The following HHAT variants were observed in gnomAD, a reference collection of about 807,000 sequenced individuals.
HHAT encodes the protein protein-cysteine N-palmitoyltransferase HHAT.
HHAT carries 47 observed loss-of-function variants against 70.8 expected under a neutral mutation model. The observed-to-expected ratio is 0.66, with a 90% confidence interval of 0.53 to 0.85. The LOEUF is 0.85. Ranked by LOEUF, HHAT falls within the 40% of genes least tolerant of loss-of-function variation. The pLI is 0.00. For synonymous variants in HHAT, 228 were observed against 247.6 expected, an observed-to-expected ratio of 0.92 and a Z score of 0.74; for missense variants, 609 against 604.8, an observed-to-expected ratio of 1.01 and a Z score of -0.07.
intron 4 of HHAT, among the ~76,000 whole-genome samples, chr1:210,392,720 G>A (rs1363116767): frequency 1.3e-5 from 2 of 152,160 alleles, no homozygotes; most frequent in East Asian, 1.9e-4. Flanking sequence ...ACAGGCGTGA[G>A]CCACCATGCC....
chr1:210,440,139 C>T (rs962333814), intron 7 of HHAT, among the ~76,000 whole-genome samples: 11 of 151,740 alleles, frequency 7.2e-5, no homozygotes, highest in African/African-American at 1.7e-4. Flanking sequence ...TCATTCTTTA[C>T]GCTCTGCTTG....
At chr1:210,549,164 A>G (rs548144346) in intron 9 of HHAT, among the ~76,000 whole-genome samples, 2 of 150,402 alleles carry the variant, frequency 1.3e-5, no homozygotes, top group East Asian at 4.3e-4. Context: ...GTGAGGATCA[A>G]ATGGCATAAC....
At chr1:210,439,631 GC>G (rs1189371718) in intron 7 of HHAT, 2 of 151,994 alleles carry the variant, frequency 1.3e-5, no homozygotes, top group Non-Finnish European at 2.9e-5. Context: ...CTTGTAATAG[GC>G]CCCTTGGGGC....
intron 1 of HHAT, among the ~76,000 whole-genome samples, chr1:210,348,336 A>T (rs907062292): frequency 2.0e-5 from 3 of 152,192 alleles, no homozygotes; most frequent in Non-Finnish European, 2.9e-5. Flanking sequence ...CCTGGCCTCA[A>T]GTGATCCTCC....
At chr1:210,650,758 C>A (rs756816230) in intron 11 of HHAT, among the ~76,000 whole-genome samples, 1 of 152,048 alleles carries the variant, frequency 6.6e-6, no homozygotes, top group Non-Finnish European at 1.5e-5. Flanking sequence ...GCTTTGGAGC[C>A]CTTCTTTGCT....
intron 5 of HHAT, among the ~76,000 whole-genome samples, chr1:210,401,072 G>T (rs144669122): frequency 6.6e-6 from 1 of 152,182 alleles, no homozygotes; most frequent in Non-Finnish European, 1.5e-5. Flanking sequence ...GCCCTGTGGT[G>T]GTAAGTCAGG....
At chr1:210,362,978 C>A in intron 3 of HHAT, 59 bp downstream of exon 3, 1 of 1,330,976 alleles carries the variant, frequency 7.5e-7, no homozygotes, top group East Asian at 2.3e-5. Context: ...TATTTCACAT[C>A]ACATTTGTAT....
At chr1:210,634,016 T>C (rs1348978886) in intron 11 of HHAT, among the ~76,000 whole-genome samples, 1 of 152,184 alleles carries the variant, frequency 6.6e-6, no homozygotes, top group East Asian at 1.9e-4. Flanking sequence ...TTACATGACC[T>C]TGGGAAACAA....
chr1:210,536,962 C>T (rs1192852414), intron 9 of HHAT, among the ~76,000 whole-genome samples: 2 of 151,744 alleles, frequency 1.3e-5, no homozygotes, highest in African/African-American at 4.9e-5. Context: ...GGGAATTGCA[C>T]TTGGTTGAAA....
intron 10 of HHAT, among the ~76,000 whole-genome samples, chr1:210,609,534 G>A (rs538298539): frequency 3.9e-5 from 6 of 152,170 alleles, no homozygotes; most frequent in African/African-American, 1.4e-4. Flanking sequence ...AAGTTTAGGG[G>A]TACATGTGCA....
chr1:210,420,735 T>A (rs1240033584), intron 7 of HHAT, among the ~76,000 whole-genome samples: 2 of 151,936 alleles, frequency 1.3e-5, no homozygotes, highest in Non-Finnish European at 2.9e-5. Context: ...TGTATGCATG[T>A]CTCTGTGTGT....
intron 9 of HHAT, among the ~76,000 whole-genome samples, chr1:210,585,636 C>G (rs1354342196): frequency 6.6e-6 from 1 of 152,122 alleles, no homozygotes; most frequent in African/African-American, 2.4e-5. Flanking sequence ...CCAGGCTGGT[C>G]TCGAACTCCT....
intron 9 of HHAT, among the ~76,000 whole-genome samples, chr1:210,544,569 C>T (rs1232754904): frequency 1.3e-5 from 2 of 151,844 alleles, no homozygotes; most frequent in East Asian, 3.9e-4. Flanking sequence ...AACAAGGTTT[C>T]ATCATGTTGG....
intron 4 of HHAT, among the ~76,000 whole-genome samples, chr1:210,397,315 C>G (rs1241850711): frequency 6.6e-6 from 1 of 152,174 alleles, no homozygotes. Context: ...CAATGTGATT[C>G]TTTGTCTTCT....
At chr1:210,515,452 C>T (rs921955377) in intron 9 of HHAT, among the ~76,000 whole-genome samples, 2 of 152,152 alleles carry the variant, frequency 1.3e-5, no homozygotes, top group South Asian at 2.1e-4. Flanking sequence ...ATTTGTAGCT[C>T]TCTTCAGAAA....
intron 9 of HHAT, among the ~76,000 whole-genome samples, chr1:210,577,218 T>C (rs191569726): frequency 6.6e-6 from 1 of 152,312 alleles, no homozygotes; most frequent in East Asian, 1.9e-4. Context: ...TCCAATACTA[T>C]GTTGAAAAGA....
At chr1:210,522,366 T>A (rs1296981977) in intron 9 of HHAT, among the ~76,000 whole-genome samples, 1 of 152,182 alleles carries the variant, frequency 6.6e-6, no homozygotes, top group Non-Finnish European at 1.5e-5. Context: ...AAGCTAAGGA[T>A]CTGTGTGGTG....
chr1:210,422,663 A>C (rs112398593), intron 7 of HHAT, among the ~76,000 whole-genome samples: 4 of 151,736 alleles, frequency 2.6e-5, no homozygotes, highest in African/African-American at 4.8e-5. Flanking sequence ...TTTGAGACGG[A>C]GTCTCGCTCC....
At chr1:210,400,170 ATTG>A (rs1365045953) in intron 4 of HHAT, among the ~76,000 whole-genome samples, 3 of 151,458 alleles carry the variant, frequency 2.0e-5, no homozygotes, top group Admixed American at 6.6e-5. Context: ...CCAATATCTT[ATTG>A]TTGTGTGACC....
Sources: gnomAD v4.1 joint callset for allele counts (sites outside exome capture counted in the v4.1 genomes callset) on GRCh38, gnomAD v4.1.1 for gene constraint, MANE v1.5 for transcripts, NCBI Gene and HGNC (gene_info 2026-07-23, HGNC 2026-07-21) for gene names.